Variants in MYO3B observed in about 807,000 individuals in gnomAD.
MYO3B encodes myosin IIIB.
Under a neutral mutation model 174.6 loss-of-function variants are expected in MYO3B, and 156 were observed. The ratio of observed to expected loss-of-function variants is 0.89; its 90% CI spans 0.78 to 1.02. The LOEUF (loss-of-function observed/expected upper bound fraction) is 1.02. MYO3B is among the 50% of genes least tolerant of loss of function. The probability of loss-of-function intolerance (pLI) is 0.00; values close to 1 mark genes in which losing one functional copy is unlikely to be tolerated. For missense variants in MYO3B, 1,632 were observed against 1,639.4 expected, an observed-to-expected ratio of 1.00 and a Z score of 0.08; for synonymous variants, 563 against 569.1, an observed-to-expected ratio of 0.99 and a Z score of 0.15.
chr2:170,434,375 A>T (rs1167227477), intron 22 of MYO3B, among the ~76,000 whole-genome samples: 2 of 152,184 alleles, frequency 1.3e-5, no homozygotes, highest in African/African-American at 4.8e-5. Context: ...AAGGCAAGGT[A>T]CTTCTGTATA....
At chr2:170,353,610 T>C (rs573773599) in intron 8 of MYO3B, among the ~76,000 whole-genome samples, 1 of 151,964 alleles carries the variant, frequency 6.6e-6, no homozygotes, top group Non-Finnish European at 1.5e-5. Context: ...TTGTAACAAA[T>C]GTACAGGTGG....
intron 7 of MYO3B, among the ~76,000 whole-genome samples, chr2:170,241,647 C>T (rs2093134958): frequency 6.6e-6 from 1 of 151,988 alleles, no homozygotes; most frequent in African/African-American, 2.4e-5. Flanking sequence ...TTTTTGGGAA[C>T]CCAGGGTCTG....
chr2:170,214,495 T>A lies in MYO3B; in HGVS notation c.426+12T>A. On this transcript the variant is annotated intron_variant, in intron 4 of 34. Coordinates refer to ENST00000408978, the MANE Select transcript of MYO3B (RefSeq NM_138995.5). Reference sequence around the variant, plus strand: ...ACGGGGCCCTCTTGGTAAGAACATCTATCAAATGGGGTATGACAGCAGATG... The same window carrying A: ...ACGGGGCCCTCTTGGTAAGAACATCAATCAAATGGGGTATGACAGCAGATG... 6.2e-7 allele frequency: 1 copy of A among 1,610,738 alleles called. No individual in the cohort carries two copies. Among genetic ancestry groups the A allele is most frequent in the Non-Finnish European group, 8.5e-7 (1 of 1,176,910 alleles).
At chr2:170,317,336 G>A (rs772117455) in intron 7 of MYO3B, among the ~76,000 whole-genome samples, 3 of 152,148 alleles carry the variant, frequency 2.0e-5, no homozygotes, top group Non-Finnish European at 4.4e-5. Context: ...TGTCACAGTT[G>A]CCTAGCGAAC....
intron 6 of MYO3B, among the ~76,000 whole-genome samples, chr2:170,234,392 G>A (rs2093048920): frequency 6.6e-6 from 1 of 152,114 alleles, no homozygotes; most frequent in Admixed American, 6.6e-5. Flanking sequence ...GCAGAAGGGA[G>A]CAAACCCAGT....
At chr2:170,447,260 A>G (rs1052757941) in intron 23 of MYO3B, among the ~76,000 whole-genome samples, 1 of 152,180 alleles carries the variant, frequency 6.6e-6, no homozygotes, top group Non-Finnish European at 1.5e-5. Context: ...TCAGTTTTCA[A>G]TGTGTCTTGC....
intron 32 of MYO3B, among the ~76,000 whole-genome samples, chr2:170,580,718 ATGTG>A (rs59092368): frequency 0.034 from 4,844 of 142,760 alleles, 109 homozygotes; most frequent in South Asian, 0.056. Flanking sequence ...AACCTTATAT[ATGTG>A]TGTGTGTGTG....
At chr2:170,470,672 C>A (rs1684930134) in intron 25 of MYO3B, among the ~76,000 whole-genome samples, 1 of 152,148 alleles carries the variant, frequency 6.6e-6, no homozygotes, top group Non-Finnish European at 1.5e-5. Context: ...AGTGGCTGAA[C>A]AATTTAAATT....
At chr2:170,181,305 G>A (rs2092395549) in intron 1 of MYO3B, among the ~76,000 whole-genome samples, 1 of 152,014 alleles carries the variant, frequency 6.6e-6, no homozygotes, top group Non-Finnish European at 1.5e-5. Context: ...CTGTAATTCT[G>A]ATAAACTCAC....
At chr2:170,274,279 C>G (rs6433187) in intron 7 of MYO3B, among the ~76,000 whole-genome samples, 133,381 of 152,160 alleles carry the variant, frequency 0.88, 59,037 homozygotes, top group East Asian at 0.96. Flanking sequence ...TTTCTTTTCT[C>G]TTCCTAGCTT....
chr2:170,226,120 T>C (rs1181129963), intron 6 of MYO3B, among the ~76,000 whole-genome samples: 1 of 152,188 alleles, frequency 6.6e-6, no homozygotes. Flanking sequence ...TGAACTAATG[T>C]TGATGCCGTG....
chr2:170,508,516 T>G (rs1365042624), intron 28 of MYO3B, among the ~76,000 whole-genome samples: 5 of 152,240 alleles, frequency 3.3e-5, no homozygotes, highest in Non-Finnish European at 1.5e-5. Context: ...AAGGCAGGCT[T>G]TGTTTTACCT....
chr2:170,617,514 C>T (rs558350163), intron 32 of MYO3B, among the ~76,000 whole-genome samples: 179 of 152,252 alleles, frequency 1.2e-3, no homozygotes, highest in African/African-American at 4.1e-3. Context: ...AGAGTATATA[C>T]ATTTTGAGGT....
At chr2:170,310,687 A>G (rs979882877) in intron 7 of MYO3B, among the ~76,000 whole-genome samples, 9 of 150,168 alleles carry the variant, frequency 6.0e-5, no homozygotes, top group African/African-American at 2.2e-4. Flanking sequence ...AAAAAAAAAA[A>G]GAAATACATT....
chr2:170,633,007 G>A (rs541600017), intron 32 of MYO3B, among the ~76,000 whole-genome samples: 1 of 152,226 alleles, frequency 6.6e-6, no homozygotes, highest in East Asian at 1.9e-4. Context: ...AAAGTCCAGG[G>A]TCAGACAGAT....
In MYO3B at chr2:170,285,384, T is replaced by G. The variant is rs62170765; in HGVS notation, c.749+49248T>G. Among the ~76,000 whole-genome samples, 273 of 134,560 alleles carry G rather than the reference T, an allele frequency of 2.0e-3. 3 individuals carry two copies. The highest frequency in any genetic ancestry group is 2.0e-3 in the African/African-American group (72 of 36,800). 88.3% of individuals were successfully genotyped at this position (134,560 alleles called of 152,430 possible). A position where few individuals can be genotyped will look rare whatever the true frequency, so the allele number is the denominator to read the frequency against. On this transcript the variant is annotated intron_variant, in intron 7 of 34. Coordinates refer to ENST00000408978, the MANE Select transcript of MYO3B (RefSeq NM_138995.5). ...GTCAGTCTGTGACCTTTTTTTTTTT[T>G]GGGAGACAGAGTCTTGCTCTGTTGC...
At chr2:170,261,110 G>A (rs926651847) in intron 7 of MYO3B, among the ~76,000 whole-genome samples, 5 of 152,120 alleles carry the variant, frequency 3.3e-5, no homozygotes, top group Non-Finnish European at 5.9e-5. Context: ...CGCAAACTCC[G>A]CCTTCCGGGT....
intron 32 of MYO3B, among the ~76,000 whole-genome samples, chr2:170,630,389 C>G (rs538936300): frequency 2.6e-4 from 39 of 152,280 alleles, no homozygotes; most frequent in African/African-American, 7.9e-4. Flanking sequence ...GTAAACAAAG[C>G]TGCCAGGAAG....
At chr2:170,187,872 T>A (rs2092486136) in intron 1 of MYO3B, among the ~76,000 whole-genome samples, 1 of 152,190 alleles carries the variant, frequency 6.6e-6, no homozygotes, top group Non-Finnish European at 1.5e-5. Flanking sequence ...TTTTTAAGAC[T>A]AATTTGGTGG....
Sources: gnomAD v4.1 joint callset for allele counts (sites outside exome capture counted in the v4.1 genomes callset) on GRCh38, gnomAD v4.1.1 for gene constraint, MANE v1.5 for transcripts, NCBI Gene and HGNC (gene_info 2026-07-23, HGNC 2026-07-21) for gene names.